The following FSTL5 variants were observed in gnomAD, a reference collection of about 807,000 sequenced individuals.
The protein encoded by FSTL5 is follistatin like 5.
FSTL5 carries 62 observed loss-of-function variants against 89.1 expected under a neutral mutation model. The observed-to-expected ratio is 0.70, with a 90% confidence interval of 0.57 to 0.86. FSTL5 has a LOEUF of 0.86. FSTL5 is among the 40% of genes least tolerant of loss of function. The probability of loss-of-function intolerance (pLI) is 0.00; values close to 1 mark genes in which losing one functional copy is unlikely to be tolerated. For synonymous variants in FSTL5, 383 were observed against 346.2 expected (o/e 1.11, Z -1.18); for missense variants, 1,057 against 1,001.6 (o/e 1.06, Z -0.75).
At chr4:162,012,873 G>A (rs142913152) in intron 3 of FSTL5, among the ~76,000 whole-genome samples, 218 of 152,088 alleles carry the variant, frequency 1.4e-3, no homozygotes, top group African/African-American at 5.0e-3. Flanking sequence ...ATAGCATTAT[G>A]AAATTTACTT....
At chr4:161,931,361 T>C (rs1259434541) in intron 3 of FSTL5, among the ~76,000 whole-genome samples, 1 of 151,780 alleles carries the variant, frequency 6.6e-6, no homozygotes, top group Non-Finnish European at 1.5e-5. Context: ...AGAACAGCTA[T>C]AAGAAATCAA....
intron 11 of FSTL5, among the ~76,000 whole-genome samples, chr4:161,501,560 T>C (rs1040219555): frequency 1.3e-5 from 2 of 152,024 alleles, no homozygotes; most frequent in African/African-American, 4.8e-5. Context: ...TTTAAATTAC[T>C]CCAGGTTGTT....
At chr4:161,631,677 T>C (rs1735511507) in intron 7 of FSTL5, among the ~76,000 whole-genome samples, 1 of 152,182 alleles carries the variant, frequency 6.6e-6, no homozygotes, top group South Asian at 2.1e-4. Flanking sequence ...TGATGCTATA[T>C]TATTAGATTT....
intron 10 of FSTL5, among the ~76,000 whole-genome samples, chr4:161,514,591 G>C (rs1294583864): frequency 6.6e-6 from 1 of 152,026 alleles, no homozygotes; most frequent in Non-Finnish European, 1.5e-5. Flanking sequence ...AACTGCACTT[G>C]TACTCCCTAA....
At chr4:161,807,126 A>C (rs1729993570) in intron 4 of FSTL5, among the ~76,000 whole-genome samples, 1 of 151,852 alleles carries the variant, frequency 6.6e-6, no homozygotes, top group African/African-American at 2.4e-5. Flanking sequence ...TTTTTCAAAG[A>C]CATAATGTTG....
chr4:161,731,078 T>C (rs1560814451), intron 6 of FSTL5, among the ~76,000 whole-genome samples: 1 of 152,196 alleles, frequency 6.6e-6, no homozygotes, highest in Non-Finnish European at 1.5e-5. Flanking sequence ...TTCTGTTTAT[T>C]GTTAATCAAT....
At chr4:161,896,484 C>T (rs114036514) in intron 4 of FSTL5, among the ~76,000 whole-genome samples, 3 of 152,224 alleles carry the variant, frequency 2.0e-5, no homozygotes, top group Non-Finnish European at 2.9e-5. Flanking sequence ...CACACCCCTA[C>T]ATTAGATAGT....
chr4:161,530,546 T>C (rs1414617440), intron 10 of FSTL5, among the ~76,000 whole-genome samples: 2 of 151,994 alleles, frequency 1.3e-5, no homozygotes, highest in African/African-American at 2.4e-5. Flanking sequence ...CTAATGTTAA[T>C]TTATTGGAGC....
At position 161,604,792 on chromosome 4, in the gene FSTL5, C is replaced by T. The variant is rs79180816; in HGVS notation, c.895-17217G>A. Among the ~76,000 whole-genome samples, 1,423 of 152,226 alleles carry T rather than the reference C, an allele frequency of 9.3e-3. 14 individuals carry two copies. The highest frequency in any genetic ancestry group is 0.017 in the Non-Finnish European group (1,153 of 68,010). On this transcript the variant is annotated intron_variant, in intron 7 of 15. Transcript: ENST00000306100. ...AAGCACTGTTGGAGCCTAGGGACTGCCTAGGTTTCATGTTCTGCTAGAGCC... is the reference window on the plus strand; with the variant it reads ...AAGCACTGTTGGAGCCTAGGGACTGTCTAGGTTTCATGTTCTGCTAGAGCC...
chr4:161,920,640 T>C lies in FSTL5; in HGVS notation c.173A>G (p.Gln58Arg). 1 of 1,601,094 alleles carries C rather than the reference T, an allele frequency of 6.2e-7. No individual in the cohort carries two copies. The highest frequency in any genetic ancestry group is 1.4e-5 in the African/African-American group (1 of 72,268). The change falls in exon 4 of 16, where the codon CAG (glutamine) becomes CGG (arginine). Residue 58 changes from glutamine to arginine, a missense_variant. Physicochemically the swap from Gln to Arg is conservative, Grantham distance 43. This residue lies in a region of FSTL5 where 980 missense variants were observed against 903.2 expected (regional missense o/e 1.08). Transcript: ENST00000306100. ...TTCACAAGATCCAAAAGGGCCATCC[T>C]GAATCATAAATCCTGAAGAATTAAA... Reference protein sequence around the residue: ...ESSRVKGFMIQDGPFGSCENK... With the variant: ...ESSRVKGFMIRDGPFGSCENK...
At chr4:161,887,408 T>TATC (rs1732843419) in intron 4 of FSTL5, among the ~76,000 whole-genome samples, 1 of 100,672 alleles carries the variant, frequency 9.9e-6, no homozygotes, top group African/African-American at 3.4e-5. Context: ...TCTATCTATC[T>TATC]ATCTATCTAT....
chr4:161,882,093 A>G (rs550726287), intron 4 of FSTL5, among the ~76,000 whole-genome samples: 42 of 152,226 alleles, frequency 2.8e-4, no homozygotes, highest in African/African-American at 9.6e-4. Flanking sequence ...TTTGCAAATG[A>G]TCAAAATATT....
chr4:161,781,707 C>T (rs551076261), intron 4 of FSTL5, among the ~76,000 whole-genome samples: 16 of 152,204 alleles, frequency 1.1e-4, no homozygotes, highest in African/African-American at 3.4e-4. Flanking sequence ...TAGTTACAAT[C>T]GATGAACAAA....
intron 12 of FSTL5, among the ~76,000 whole-genome samples, chr4:161,485,163 C>T (rs1729634738): frequency 6.6e-6 from 1 of 152,116 alleles, no homozygotes; most frequent in Non-Finnish European, 1.5e-5. Context: ...TTACTTACTA[C>T]CTGGCCATTT....
intron 3 of FSTL5, among the ~76,000 whole-genome samples, chr4:161,956,553 T>G (rs931598718): frequency 6.6e-6 from 1 of 151,898 alleles, no homozygotes; most frequent in Non-Finnish European, 1.5e-5. Context: ...AAAAGATTAG[T>G]ATCTATTAGG....
chr4:161,527,268 C>T (rs1038028867), intron 10 of FSTL5, among the ~76,000 whole-genome samples: 6 of 152,046 alleles, frequency 3.9e-5, no homozygotes, highest in Admixed American at 6.6e-5. Flanking sequence ...TATAAGAATG[C>T]TTGTGAAAAG....
chr4:161,909,376 T>C (rs1438770663), intron 4 of FSTL5, among the ~76,000 whole-genome samples: 3 of 152,134 alleles, frequency 2.0e-5, no homozygotes, highest in African/African-American at 7.2e-5. Context: ...AACTAATTCT[T>C]CAATTACTCA....
intron 2 of FSTL5, among the ~76,000 whole-genome samples, chr4:162,076,193 C>T (rs1488370328): frequency 6.6e-6 from 1 of 151,850 alleles, no homozygotes; most frequent in Non-Finnish European, 1.5e-5. Flanking sequence ...AACTGAACTA[C>T]CAGTTCAGAA....
chr4:161,419,232 A>G (rs926620811), intron 15 of FSTL5, among the ~76,000 whole-genome samples: 5 of 152,140 alleles, frequency 3.3e-5, no homozygotes, highest in Admixed American at 1.3e-4. Flanking sequence ...TTCATAGTTT[A>G]TGTCCTCTTT....
Sources: gnomAD v4.1 joint callset for allele counts (sites outside exome capture counted in the v4.1 genomes callset) on GRCh38, gnomAD v4.1.1 for gene constraint, gnomAD v4.1.1 regional missense constraint, MANE v1.5 for transcripts, NCBI Gene and HGNC (gene_info 2026-07-23, HGNC 2026-07-21) for gene names.